DISC1: variants seen among roughly 807,000 people sequenced by gnomAD.
DISC1 encodes disrupted in schizophrenia 1 protein.
A neutral mutation model predicts 84.5 loss-of-function variants in DISC1; 57 were observed. The ratio of observed to expected loss-of-function variants is 0.67; its 90% CI spans 0.55 to 0.84. DISC1 has a LOEUF of 0.84. Ranked by LOEUF, DISC1 falls within the 40% of genes least tolerant of loss-of-function variation. DISC1 has a pLI of 0.00. For missense variants in DISC1, 1,000 were observed against 1,057.8 expected, an observed-to-expected ratio of 0.95 and a Z score of 0.76; for synonymous variants, 411 against 415.2, an observed-to-expected ratio of 0.99 and a Z score of 0.12.
intron 1 of DISC1, among the ~76,000 whole-genome samples, chr1:231,665,977 T>C (rs563255812): frequency 9.8e-5 from 15 of 152,318 alleles, no homozygotes; most frequent in African/African-American, 3.6e-4. Context: ...TCACTTCCAC[T>C]TAAGGCCATG....
rs1216787059 is a variant in DISC1 at position 232,009,237 on chromosome 1, G to C, written c.2307+188G>C. ...AATTTTTGTAGAAGTTTGAAATATA[G>C]AAGAGCAAAAAAACCCAACTTTTGG... On this transcript the variant is annotated intron_variant, in intron 11 of 12. Transcript: ENST00000439617. The surrounding 1 kb of genome is among the most constrained non-coding windows in gnomAD (Gnocchi z 4.6). The C allele has an allele frequency of 7.1e-7, 1 of 1,400,348 alleles. No homozygotes were observed. The highest frequency in any genetic ancestry group is 2.7e-5 in the East Asian group (1 of 37,680). The allele number at this position is 1,400,348 out of a possible 1,614,324, so 86.7% of individuals were successfully genotyped here.
intron 8 of DISC1, among the ~76,000 whole-genome samples, chr1:231,808,991 C>CAG (rs1264545224): frequency 1.3e-5 from 2 of 152,166 alleles, no homozygotes; most frequent in African/African-American, 4.8e-5. Context: ...AAGCATCATG[C>CAG]AGAGAGAGAG....
At chr1:231,901,829 T>C (rs1371789760) in intron 9 of DISC1, among the ~76,000 whole-genome samples, 1 of 152,196 alleles carries the variant, frequency 6.6e-6, no homozygotes, top group Non-Finnish European at 1.5e-5. Context: ...AATCTCTCTC[T>C]GTCAGAAGAG....
intron 9 of DISC1, among the ~76,000 whole-genome samples, chr1:231,916,048 T>C (rs567493482): frequency 6.6e-6 from 1 of 152,192 alleles, no homozygotes; most frequent in Non-Finnish European, 1.5e-5. Context: ...AGTAGCTCTT[T>C]TCCACGAAAC....
intron 10 of DISC1, among the ~76,000 whole-genome samples, chr1:231,978,172 T>A (rs1663086955): frequency 6.6e-6 from 1 of 152,198 alleles, no homozygotes; most frequent in African/African-American, 2.4e-5. Flanking sequence ...GAATGCTTCA[T>A]CAATAGTATG....
intron 10 of DISC1, among the ~76,000 whole-genome samples, chr1:232,007,460 T>G (rs1667603994): frequency 6.6e-6 from 1 of 152,204 alleles, no homozygotes; most frequent in South Asian, 2.1e-4. Context: ...GGAGATCATT[T>G]CAGATCTTTA....
intron 9 of DISC1, among the ~76,000 whole-genome samples, chr1:231,939,382 A>G (rs954253084): frequency 1.3e-5 from 2 of 152,300 alleles, no homozygotes; most frequent in East Asian, 3.9e-4. Context: ...AGTCCTGTCA[A>G]TTCTATTTCC....
chr1:231,820,198 T>C (rs2081386919), intron 9 of DISC1, among the ~76,000 whole-genome samples: 2 of 152,340 alleles, frequency 1.3e-5, no homozygotes, highest in South Asian at 4.1e-4. Context: ...GTGAGTTGGC[T>C]TTAGGTGAAC....
rs114131904 is a variant in DISC1 at position 231,976,973 on chromosome 1, G to A, written c.2042+18085G>A. On this transcript the variant is annotated intron_variant, in intron 10 of 12. Coordinates refer to ENST00000439617, the MANE Select transcript of DISC1 (RefSeq NM_018662.3). ...CCCAACAACCCAATGAGGGGTGAGC[G>A]CTATTATTAACAAGAATATGTAAGG... is the stretch of plus-strand genomic sequence containing the variant. Among the ~76,000 whole-genome samples, 397 of 152,158 alleles carry A rather than the reference G, an allele frequency of 2.6e-3. 3 individuals are homozygous for A. The highest frequency in any genetic ancestry group is 5.7e-3 in the Admixed American group (87 of 15,290).
At chr1:231,985,468 C>G (rs932544370) in intron 10 of DISC1, among the ~76,000 whole-genome samples, 1 of 151,980 alleles carries the variant, frequency 6.6e-6, no homozygotes, top group Non-Finnish European at 1.5e-5. Flanking sequence ...TCCTGCCATT[C>G]GTAGCAGCAG....
At chr1:231,903,890 C>T (rs1012066667) in intron 9 of DISC1, among the ~76,000 whole-genome samples, 5 of 152,142 alleles carry the variant, frequency 3.3e-5, no homozygotes, top group Non-Finnish European at 7.3e-5. Context: ...TGATCTGACT[C>T]GTGTTTAGAA....
intron 3 of DISC1, among the ~76,000 whole-genome samples, chr1:231,729,745 T>C (rs927823717): frequency 6.6e-6 from 1 of 151,234 alleles, no homozygotes; most frequent in Non-Finnish European, 1.5e-5. Context: ...TGTATCTTGA[T>C]ACCTTTACAT....
intron 9 of DISC1, among the ~76,000 whole-genome samples, chr1:231,906,990 C>CT (rs2088719423): frequency 8.8e-6 from 1 of 113,568 alleles, no homozygotes; most frequent in South Asian, 3.0e-4. Flanking sequence ...TCTTTCTTTT[C>CT]TTTCTTTCTT....
intron 1 of DISC1, among the ~76,000 whole-genome samples, chr1:231,664,977 C>T (rs1406752160): frequency 6.6e-6 from 1 of 151,892 alleles, no homozygotes; most frequent in African/African-American, 2.4e-5. Flanking sequence ...TTATCATTTA[C>T]TACCATAAAA....
chr1:231,671,080 A>G (rs1354280191), intron 1 of DISC1, among the ~76,000 whole-genome samples: 1 of 152,136 alleles, frequency 6.6e-6, no homozygotes, highest in Non-Finnish European at 1.5e-5. Flanking sequence ...GAGTTTTTTC[A>G]GAGAATCAGT....
At chr1:231,999,451 G>A (rs821661) in intron 10 of DISC1, among the ~76,000 whole-genome samples, 41,421 of 151,984 alleles carry the variant, frequency 0.27, 5,885 homozygotes, top group African/African-American at 0.29. Flanking sequence ...TTGGAGCCCT[G>A]CTAACAATAA....
At chr1:231,930,300 G>C (rs1179704482) in intron 9 of DISC1, among the ~76,000 whole-genome samples, 1 of 152,126 alleles carries the variant, frequency 6.6e-6, no homozygotes, top group South Asian at 2.1e-4. Flanking sequence ...AGGGTAGCCC[G>C]ATGCAGTGGG....
intron 9 of DISC1, among the ~76,000 whole-genome samples, chr1:231,830,098 A>T (rs2082122683): frequency 6.6e-6 from 1 of 152,028 alleles, no homozygotes; most frequent in Non-Finnish European, 1.5e-5. Flanking sequence ...CTGTCTTCTT[A>T]TATTAATAAG....
chr1:231,638,358 T>G (rs2059363031), intron 1 of DISC1, among the ~76,000 whole-genome samples: 1 of 152,118 alleles, frequency 6.6e-6, no homozygotes, highest in Admixed American at 6.5e-5. Context: ...TATGCTTTTT[T>G]GTTGTTGTTG....
Sources: gnomAD v4.1 joint callset for allele counts (sites outside exome capture counted in the v4.1 genomes callset) on GRCh38, gnomAD v4.1.1 for gene constraint, Gnocchi (gnomAD v3.1) non-coding constraint, MANE v1.5 for transcripts, NCBI Gene and HGNC (gene_info 2026-07-23, HGNC 2026-07-21) for gene names.